KIAA0319L: variants seen among roughly 807,000 people sequenced by gnomAD.
KIAA0319L encodes the protein dyslexia-associated protein KIAA0319-like protein.
Under a neutral mutation model 120.1 loss-of-function variants are expected in KIAA0319L, and 55 were observed. The observed-to-expected ratio is 0.46, with a 90% CI of 0.37 to 0.57. The LOEUF is 0.57. Among genes scored for constraint, KIAA0319L ranks in the 20% least tolerant of loss-of-function variants. The probability of loss-of-function intolerance (pLI) is 0.00; values close to 1 mark genes in which losing one functional copy is unlikely to be tolerated. For missense variants in KIAA0319L, 1,049 were observed against 1,255.3 expected (o/e 0.84, Z 2.48); for synonymous variants, 398 against 471.9 (o/e 0.84, Z 2.03).
intron 2 of KIAA0319L, among the ~76,000 whole-genome samples, chr1:35,507,543 A>G (rs967827164): frequency 9.9e-5 from 15 of 152,226 alleles, no homozygotes; most frequent in African/African-American, 3.6e-4. Flanking sequence ...CCTCCAAGGT[A>G]TTTCTCAGGG....
chr1:35,498,703 C>T (rs1015970844), intron 3 of KIAA0319L, among the ~76,000 whole-genome samples: 1 of 152,176 alleles, frequency 6.6e-6, no homozygotes, highest in Non-Finnish European at 1.5e-5. Context: ...GAGTCTGTAA[C>T]GCCACACACA....
At chr1:35,454,565 T>C in intron 10 of KIAA0319L, 80 bp from the exon 11 acceptor site, 1 of 1,573,424 alleles carries the variant, frequency 6.4e-7, no homozygotes. Flanking sequence ...GTAAAAACGA[T>C]TTAGTTTTCT....
At chr1:35,502,283 A>G (rs1013793927) in intron 3 of KIAA0319L, among the ~76,000 whole-genome samples, 1 of 152,040 alleles carries the variant, frequency 6.6e-6, no homozygotes, top group Non-Finnish European at 1.5e-5. Context: ...CAAGAAAAAA[A>G]AAAAAAGAAA....
intron 8 of KIAA0319L, 138 bp from the exon 9 acceptor site, chr1:35,460,575 T>C (rs1008715118): frequency 1.1e-5 from 8 of 733,894 alleles, no homozygotes. Flanking sequence ...CTCTCCAGAA[T>C]GTTTCTTCCC....
At chr1:35,521,376 T>A (rs957359292) in intron 2 of KIAA0319L, among the ~76,000 whole-genome samples, 1 of 152,000 alleles carries the variant, frequency 6.6e-6, no homozygotes, top group Non-Finnish European at 1.5e-5. Flanking sequence ...GGCTCACGCC[T>A]GTAATCCCAG....
At chr1:35,517,211 T>C (rs1192508946) in intron 2 of KIAA0319L, among the ~76,000 whole-genome samples, 2 of 152,082 alleles carry the variant, frequency 1.3e-5, no homozygotes, top group African/African-American at 4.8e-5. Flanking sequence ...AAAAAAACTA[T>C]TTTAAAATTC....
At chr1:35,492,241 C>G (rs115820644) in intron 3 of KIAA0319L, among the ~76,000 whole-genome samples, 1,869 of 152,028 alleles carry the variant, frequency 0.012, 39 homozygotes, top group African/African-American at 0.043. Context: ...CCAAGCTGGG[C>G]GCGGAGGCTC....
chr1:35,552,535 G>A (rs1379615898), intron 2 of KIAA0319L, among the ~76,000 whole-genome samples: 1 of 152,174 alleles, frequency 6.6e-6, no homozygotes, highest in Non-Finnish European at 1.5e-5. Context: ...TATAAAATGA[G>A]AAGAAAACTA....
intron 2 of KIAA0319L, among the ~76,000 whole-genome samples, chr1:35,553,035 C>T (rs146875095): frequency 4.0e-5 from 6 of 151,456 alleles, no homozygotes; most frequent in Non-Finnish European, 8.8e-5. Context: ...TGCAGTGAGC[C>T]GAGATTGTGC....
intron 2 of KIAA0319L, among the ~76,000 whole-genome samples, chr1:35,507,661 G>C (rs1645257642): frequency 6.6e-6 from 1 of 152,230 alleles, no homozygotes; most frequent in African/African-American, 2.4e-5. Context: ...TGAGTACTCT[G>C]AACCTCATGC....
Position 35,500,592 on chromosome 1 carries a change from G to A in KIAA0319L, c.666+6020C>T, listed in dbSNP as rs776153919. Among the ~76,000 whole-genome samples the A allele has an allele frequency of 9.5e-4, 144 of 152,234 alleles. 1 individual carries two copies. The highest frequency in any genetic ancestry group is 1.7e-3 in the Non-Finnish European group (115 of 68,046). On this transcript the variant is annotated intron_variant, in intron 3 of 20. Coordinates refer to ENST00000325722, the MANE Select transcript of KIAA0319L (RefSeq NM_024874.5). ...CCTTTGCAGCTCTGCAGGCAGGCAAGACAAAAGCAATTTATGATACAATTT... is the reference window on the plus strand; with the variant it reads ...CCTTTGCAGCTCTGCAGGCAGGCAAAACAAAAGCAATTTATGATACAATTT...
At chr1:35,537,483 C>T (rs1461715673) in intron 2 of KIAA0319L, among the ~76,000 whole-genome samples, 1 of 145,446 alleles carries the variant, frequency 6.9e-6, no homozygotes, top group Non-Finnish European at 1.5e-5. Context: ...GAATTGTAGG[C>T]TTGGGAGGAA....
chr1:35,451,841 CAGG>C (rs1642087601), intron 12 of KIAA0319L, 65 bp from the exon 13 acceptor site: 1 of 1,523,690 alleles, frequency 6.6e-7, no homozygotes, highest in Non-Finnish European at 8.9e-7. Flanking sequence ...CCTAACTTAG[CAGG>C]AGGAGACAAT....
At chr1:35,537,060 T>A (rs2148482788) in intron 2 of KIAA0319L, among the ~76,000 whole-genome samples, 1 of 152,282 alleles carries the variant, frequency 6.6e-6, no homozygotes, top group African/African-American at 2.4e-5. Flanking sequence ...AATACTGTCT[T>A]TGTACTTCAA....
intron 5 of KIAA0319L, among the ~76,000 whole-genome samples, chr1:35,473,199 G>A (rs1221865945): frequency 6.7e-6 from 1 of 148,568 alleles, no homozygotes; most frequent in Non-Finnish European, 1.5e-5. Context: ...GGGTTCAAGC[G>A]ATTCTCCTGT....
intron 19 of KIAA0319L, 103 bp downstream of exon 19, chr1:35,442,143 G>T: frequency 1.2e-6 from 1 of 863,392 alleles, no homozygotes; most frequent in South Asian, 1.4e-5. Context: ...TGCTGACTAA[G>T]GACCCAGCCC....
intron 2 of KIAA0319L, among the ~76,000 whole-genome samples, chr1:35,513,285 TA>T (rs1306397646): frequency 0.046 from 4,669 of 102,052 alleles, 91 homozygotes; most frequent in Middle Eastern, 0.062. Flanking sequence ...TATATATATA[TA>T]TATTTTTTTT....
At position 35,441,163 on chromosome 1, in the gene KIAA0319L, G is replaced by T. The variant is rs770833839; in HGVS notation, c.2871-25C>A. The T allele has an allele frequency of 1.1e-5, 18 of 1,600,912 alleles. No individual in the cohort carries two copies. The Admixed American group carries it at 2.8e-4, about 25-fold the overall frequency. The stretch of plus-strand genomic sequence containing the variant: ...CCTAAAAAACACAACCCCCACCCCT[G>T]CTCAGGAAAGAGGTTCTCTGGGAGG... On this transcript the variant is annotated intron_variant, in intron 19 of 20. Coordinates refer to ENST00000325722, the MANE Select transcript of KIAA0319L (RefSeq NM_024874.5).
intron 20 of KIAA0319L, among the ~76,000 whole-genome samples, chr1:35,438,003 T>C (rs1244767701): frequency 6.6e-6 from 1 of 152,216 alleles, no homozygotes; most frequent in African/African-American, 2.4e-5. Context: ...TGAATCACTG[T>C]CAGCTCCTCC....
Sources: allele counts gnomAD v4.1 joint callset (sites outside exome capture counted in the v4.1 genomes callset), GRCh38; gene constraint gnomAD v4.1.1; transcripts MANE v1.5; gene names NCBI Gene and HGNC (gene_info 2026-07-23, HGNC 2026-07-21).